The following CHEK2 variants were observed in gnomAD, a reference collection of about 807,000 sequenced individuals.
CHEK2 encodes the protein serine/threonine-protein kinase Chk2.
In CHEK2, 71 loss-of-function variants were observed where a neutral mutation model predicts 69.1. That is an observed-to-expected ratio of 1.03 (90% CI 0.85 to 1.25). The LOEUF (loss-of-function observed/expected upper bound fraction) is 1.25. Ranked by LOEUF, CHEK2 falls within the 50% of genes most tolerant of loss-of-function variation. The pLI, the probability that CHEK2 is intolerant of heterozygous loss-of-function variation, is 0.00. For synonymous variants in CHEK2, 189 were observed against 226.9 expected, an observed-to-expected ratio of 0.83 and a Z score of 1.50; for missense variants, 664 against 649.6, an observed-to-expected ratio of 1.02 and a Z score of -0.24.
intron 2 of CHEK2, chr22:28,730,486 C>G (rs900801796): frequency 1.4e-6 from 1 of 699,516 alleles, no homozygotes; most frequent in African/African-American, 1.7e-5. Context: ...GAGGCTGAGG[C>G]AGGAGGATCA....
intron 7 of CHEK2, among the ~76,000 whole-genome samples, chr22:28,705,518 A>C (rs1398916013): frequency 6.6e-6 from 1 of 152,224 alleles, no homozygotes; most frequent in Non-Finnish European, 1.5e-5. Flanking sequence ...AAGACCCAAA[A>C]ACCTCTGGTC....
intron 7 of CHEK2, among the ~76,000 whole-genome samples, chr22:28,706,298 TCACACACA>T (rs113795955): frequency 6.1e-5 from 9 of 147,928 alleles, no homozygotes; most frequent in East Asian, 2.0e-4. Context: ...ACACTCCAGC[TCACACACA>T]CACACACACA....
chr22:28,704,935 G>A (rs1441902257), intron 7 of CHEK2, among the ~76,000 whole-genome samples: 5 of 152,072 alleles, frequency 3.3e-5, no homozygotes, highest in Admixed American at 3.3e-4. Context: ...ATGAATGAAT[G>A]CCCAGTTTTC....
At chr22:28,716,633 A>C (rs924885829) in intron 5 of CHEK2, among the ~76,000 whole-genome samples, 1 of 152,214 alleles carries the variant, frequency 6.6e-6, no homozygotes, top group Non-Finnish European at 1.5e-5. Context: ...GTGCTTAACT[A>C]TGTTGCAGGA....
rs2145816035 is a variant in CHEK2, at chr22:28,696,918, CT to C, written c.1077del (p.Glu360ArgfsTer5). ...KPENVLLSSQEEDCLIKITDF... is the reference protein window; with the variant it reads ...KPENVLLSSQXEDCLIKITDF... Reference sequence around the variant, plus strand: ...TTTCTTACCTTTATAAGACAGTCCTCTTCTTGAGATGACAGTAAAACATTCT... The same window carrying C: ...TTTCTTACCTTTATAAGACAGTCCTCTCTTGAGATGACAGTAAAACATTCT... On this transcript the variant is annotated frameshift_variant, in exon 10 of 15. Transcript: ENST00000404276. LOFTEE classifies it high-confidence loss of function. The C allele has an allele frequency of 6.2e-7, 1 of 1,611,894 alleles. No individual in the cohort carries two copies. The highest frequency in any genetic ancestry group is 8.5e-7 in the Non-Finnish European group (1 of 1,178,062).
At chr22:28,741,472 T>C (rs1427014878) in intron 1 of CHEK2, among the ~76,000 whole-genome samples, 1 of 152,136 alleles carries the variant, frequency 6.6e-6, no homozygotes, top group African/African-American at 2.4e-5. Context: ...ACCTAAAGAA[T>C]GGCAACGATT....
chr22:28,691,687 C>T (rs2052370178), intron 13 of CHEK2, among the ~76,000 whole-genome samples: 8 of 152,266 alleles, frequency 5.3e-5, no homozygotes, highest in Admixed American at 4.6e-4. Context: ...CAGAAGAAGA[C>T]CTTGTCTCCA....
At chr22:28,730,328 G>A (rs981998002) in intron 2 of CHEK2, 6 of 466,700 alleles carry the variant, frequency 1.3e-5, no homozygotes, top group Non-Finnish European at 2.3e-5. Flanking sequence ...GAAGGGAAAG[G>A]AAAGGAAAGG....
intron 1 of CHEK2, chr22:28,737,135 G>A (rs757067417): frequency 3.1e-6 from 1 of 323,572 alleles, no homozygotes; most frequent in African/African-American, 2.2e-5. Context: ...ACCATCAGAG[G>A]GGGATAAGAT....
At chr22:28,699,756 G>C in intron 9 of CHEK2, 82 bp downstream of exon 9, 4 of 968,990 alleles carry the variant, frequency 4.1e-6, no homozygotes, top group Middle Eastern at 2.1e-4. Context: ...TTTAATCCAC[G>C]GTCCCTCGAT....
intron 8 of CHEK2, among the ~76,000 whole-genome samples, chr22:28,702,970 G>A (rs1161162362): frequency 1.3e-5 from 2 of 152,084 alleles, no homozygotes; most frequent in Non-Finnish European, 2.9e-5. Context: ...TTCATGTTTG[G>A]TACAGATACA....
At chr22:28,713,961 G>A (rs763811785) in intron 5 of CHEK2, among the ~76,000 whole-genome samples, 33 of 152,200 alleles carry the variant, frequency 2.2e-4, no homozygotes, top group Non-Finnish European at 3.2e-4. Flanking sequence ...GATTAGAGGC[G>A]TGAGCCACCG....
intron 1 of CHEK2, among the ~76,000 whole-genome samples, chr22:28,737,659 G>A (rs2054452204): frequency 6.6e-6 from 1 of 151,478 alleles, no homozygotes; most frequent in African/African-American, 2.4e-5. Context: ...TTTTAGTAGA[G>A]ACAGGGTTTT....
chr22:28,711,999 T>TATTA lies in CHEK2; in HGVS notation c.701_702insTAAT (p.Lys235AsnfsTer11). The TATTA allele has an allele frequency of 6.2e-7, 1 of 1,612,506 alleles. No homozygotes were observed. The highest frequency in any genetic ancestry group is 1.1e-5 in the South Asian group (1 of 91,030). On this transcript the variant is annotated frameshift_variant, in exon 6 of 15. Coordinates refer to ENST00000404276, the MANE Select transcript of CHEK2 (RefSeq NM_007194.4). LOFTEE classifies it high-confidence loss of function. Reference sequence around the variant, plus strand: ...ATGTTTTCCTCTCGAAAGCCAGCTTTACCTCTCCACAGGCACCACTAGAGG... The same window carrying TATTA: ...ATGTTTTCCTCTCGAAAGCCAGCTTTATTAACCTCTCCACAGGCACCACTAGAGG...
rs730881699 is a variant in CHEK2, at chr22:28,725,281, AT to A, written c.405del (p.Lys135AsnfsTer26). ...FDEPLLKRTD[K>X]YRTYSKKHFR... Reference sequence around the variant, plus strand: ...AAGTGTTTCTTGCTGTATGTTCGGTATTTATCTGTTCTTTTCAGCAGTGGTT... The same window carrying A: ...AAGTGTTTCTTGCTGTATGTTCGGTATTATCTGTTCTTTTCAGCAGTGGTT... On this transcript the variant is annotated frameshift_variant, in exon 3 of 15. Transcript: ENST00000404276. LOFTEE classifies it high-confidence loss of function. 4.3e-6 allele frequency: 7 copies of A among 1,614,060 alleles called. No homozygotes were observed. The highest frequency in any genetic ancestry group is 5.9e-6 in the Non-Finnish European group (7 of 1,179,994).
intron 8 of CHEK2, 123 bp from the exon 9 acceptor site, chr22:28,700,060 T>C: frequency 1.4e-6 from 1 of 692,708 alleles, no homozygotes; most frequent in Non-Finnish European, 2.6e-6. Context: ...TATTCACTTT[T>C]GACTCTCATT....
At chr22:28,696,664 G>A (rs905571875) in intron 10 of CHEK2, among the ~76,000 whole-genome samples, 4 of 152,034 alleles carry the variant, frequency 2.6e-5, no homozygotes, top group South Asian at 2.1e-4. Flanking sequence ...CAGCCCACTC[G>A]TCCATTTAGA....
intron 9 of CHEK2, among the ~76,000 whole-genome samples, chr22:28,698,340 A>G (rs1407426976): frequency 1.3e-5 from 2 of 151,536 alleles, no homozygotes; most frequent in East Asian, 1.9e-4. Flanking sequence ...GGTTGTAGTG[A>G]GCCGAGATCG....
chr22:28,738,387 T>C (rs1162010788), intron 1 of CHEK2, among the ~76,000 whole-genome samples: 1 of 152,154 alleles, frequency 6.6e-6, no homozygotes, highest in Non-Finnish European at 1.5e-5. Flanking sequence ...GTCAACAAGT[T>C]ACTATGAGAG....
Sources: allele counts gnomAD v4.1 joint callset (sites outside exome capture counted in the v4.1 genomes callset), GRCh38; gene constraint gnomAD v4.1.1; transcripts MANE v1.5; gene names NCBI Gene and HGNC (gene_info 2026-07-23, HGNC 2026-07-21).